Variants in PLA2G4A observed in about 807,000 individuals in gnomAD.
PLA2G4A encodes the protein phospholipase A2 group IVA.
Under a neutral mutation model 81.9 loss-of-function variants are expected in PLA2G4A, and 40 were observed. That is an observed-to-expected ratio of 0.49 (90% CI 0.38 to 0.64). The LOEUF (loss-of-function observed/expected upper bound fraction) is 0.64. Among genes scored for constraint, PLA2G4A ranks in the 30% least tolerant of loss-of-function variants. PLA2G4A has a pLI of 0.00. For missense variants in PLA2G4A, 715 were observed against 905.1 expected (o/e 0.79, Z 2.69); for synonymous variants, 302 against 296.9 (o/e 1.02, Z -0.18).
In PLA2G4A at chr1:186,907,071, GA is replaced by G. The variant is rs554296188; in HGVS notation, c.416+71del. 596 of 845,862 alleles carry G rather than the reference GA, an allele frequency of 7.0e-4. 2 individuals are homozygous for G. In the African/African-American group the frequency reaches 7.1e-3, roughly 10 times the overall value. 52.4% of individuals were successfully genotyped at this position (845,862 alleles called of 1,614,324 possible). ...CCACTAATTTATTTTAATTGTTAAA[GA>G]ATTTTTTTATATATAATTCTGCAGC... is the stretch of plus-strand genomic sequence containing the variant. On this transcript the variant is annotated intron_variant, in intron 6 of 17. Coordinates refer to ENST00000367466, the MANE Select transcript of PLA2G4A (RefSeq NM_024420.3).
At chr1:186,948,527 A>G (rs1656421616) in intron 12 of PLA2G4A, among the ~76,000 whole-genome samples, 4 of 151,946 alleles carry the variant, frequency 2.6e-5, no homozygotes, top group African/African-American at 9.7e-5. Flanking sequence ...AAAAAAAAAA[A>G]AAAGAAGAAG....
chr1:186,922,333 G>C (rs780355096), intron 7 of PLA2G4A, among the ~76,000 whole-genome samples: 9 of 152,148 alleles, frequency 5.9e-5, no homozygotes, highest in African/African-American at 2.2e-4. Flanking sequence ...CCAAAGTGCC[G>C]GTACAGGCAT....
At chr1:186,919,289 TCTG>T (rs1655259351) in intron 7 of PLA2G4A, among the ~76,000 whole-genome samples, 2 of 152,198 alleles carry the variant, frequency 1.3e-5, no homozygotes, top group South Asian at 4.1e-4. Flanking sequence ...CTACTTGCCT[TCTG>T]GTTCCAGGTT....
chr1:186,947,421 G>GA (rs1656383969), intron 12 of PLA2G4A, among the ~76,000 whole-genome samples: 1 of 151,752 alleles, frequency 6.6e-6, no homozygotes, highest in Non-Finnish European at 1.5e-5. Context: ...CCAAAAGAAG[G>GA]AAAAAAATCA....
At chr1:186,899,872 A>G (rs1321509680) in intron 5 of PLA2G4A, among the ~76,000 whole-genome samples, 1 of 152,190 alleles carries the variant, frequency 6.6e-6, no homozygotes, top group African/African-American at 2.4e-5. Flanking sequence ...GGAAAGTCAC[A>G]CTTGGCACAG....
chr1:186,972,806 T>C (rs1657401767), intron 15 of PLA2G4A, among the ~76,000 whole-genome samples: 1 of 152,144 alleles, frequency 6.6e-6, no homozygotes, highest in African/African-American at 2.4e-5. Context: ...AAGTAATGTA[T>C]CTAAATTAAA....
In PLA2G4A at chr1:186,979,487, TG is replaced by T; in HGVS notation, c.2118+17del. On this transcript the variant is annotated intron_variant, in intron 17 of 17. Coordinates refer to ENST00000367466, the MANE Select transcript of PLA2G4A (RefSeq NM_024420.3). The stretch of plus-strand genomic sequence containing the variant: ...ACAACATTGATGTAAGTATCTCCTA[TG>T]GCCATTGACTATGTCAAATGACTTC... 6.6e-7 allele frequency: 1 copy of T among 1,520,832 alleles called. No homozygotes were observed. Among genetic ancestry groups the T allele is most frequent in the Non-Finnish European group, 9.1e-7 (1 of 1,094,976 alleles). The allele number at this position is 1,520,832 out of a possible 1,614,324, so 94.2% of individuals were successfully genotyped here.
intron 10 of PLA2G4A, among the ~76,000 whole-genome samples, chr1:186,944,821 A>T (rs1656279689): frequency 6.6e-6 from 1 of 152,166 alleles, no homozygotes. Flanking sequence ...GGTTCTTATA[A>T]TCAGTGATAT....
intron 17 of PLA2G4A, among the ~76,000 whole-genome samples, chr1:186,984,160 T>A (rs1272216702): frequency 6.6e-6 from 1 of 151,508 alleles, no homozygotes; most frequent in East Asian, 1.9e-4. Context: ...TTTCATTGAC[T>A]TACTGTGGGT....
At chr1:186,857,924 A>G (rs1179876419) in intron 2 of PLA2G4A, among the ~76,000 whole-genome samples, 1 of 152,154 alleles carries the variant, frequency 6.6e-6, no homozygotes, top group Non-Finnish European at 1.5e-5. Context: ...CCTGCAAAGG[A>G]CATGAACTCA....
chr1:186,942,804 C>G (rs570184927), intron 10 of PLA2G4A, among the ~76,000 whole-genome samples: 1 of 152,148 alleles, frequency 6.6e-6, no homozygotes, highest in Non-Finnish European at 1.5e-5. Flanking sequence ...CTTCTTTTGA[C>G]ATCTGCTTCA....
chr1:186,848,526 C>G (rs145494074), intron 1 of PLA2G4A, among the ~76,000 whole-genome samples: 318 of 152,256 alleles, frequency 2.1e-3, no homozygotes, highest in African/African-American at 7.3e-3. Flanking sequence ...TTCTTTTTCT[C>G]TTTTCCTTTT....
rs759648450 is a variant in PLA2G4A at position 186,854,382 on chromosome 1, A to G, written c.28A>G (p.Ile10Val). 1 of 1,563,192 alleles carries G rather than the reference A, an allele frequency of 6.4e-7. No homozygotes were observed. The highest frequency in any genetic ancestry group is 8.8e-7 in the Non-Finnish European group (1 of 1,134,228). MSFIDPYQH[I>V]IVEHQYSHKF... ...GTCATTTATAGATCCTTACCAGCACATTATAGTAAGTCATTCACTGTTTAT... is the reference window on the plus strand; with the variant it reads ...GTCATTTATAGATCCTTACCAGCACGTTATAGTAAGTCATTCACTGTTTAT... Residue 10 changes from isoleucine to valine, a missense_variant, in exon 2 of 18, where the codon ATT (isoleucine) becomes GTT (valine). Coordinates refer to ENST00000367466, the MANE Select transcript of PLA2G4A (RefSeq NM_024420.3).
intron 13 of PLA2G4A, among the ~76,000 whole-genome samples, chr1:186,952,483 C>T (rs1053573830): frequency 2.0e-5 from 3 of 152,136 alleles, no homozygotes; most frequent in African/African-American, 7.2e-5. Flanking sequence ...GTCCACCTTC[C>T]ACCACCCCTG....
chr1:186,967,400 A>G (rs1657170052), intron 15 of PLA2G4A, among the ~76,000 whole-genome samples: 1 of 136,570 alleles, frequency 7.3e-6, no homozygotes, highest in African/African-American at 2.5e-5. Flanking sequence ...CAGACTCCAA[A>G]GCTACAGAAT....
chr1:186,911,572 C>T (rs759261393), intron 7 of PLA2G4A, among the ~76,000 whole-genome samples, 183 bp downstream of exon 7: 2 of 152,032 alleles, frequency 1.3e-5, no homozygotes, highest in Non-Finnish European at 2.9e-5. Flanking sequence ...AAATGGTGCC[C>T]TAGCTGGTAA....
chr1:186,974,723 T>C (rs1657472552), intron 15 of PLA2G4A, among the ~76,000 whole-genome samples: 1 of 152,216 alleles, frequency 6.6e-6, no homozygotes, highest in Non-Finnish European at 1.5e-5. Context: ...AATTTTTTTG[T>C]TCACTGAAAT....
intron 3 of PLA2G4A, chr1:186,870,779 T>G (rs756503924): frequency 5.7e-6 from 8 of 1,414,986 alleles, no homozygotes; most frequent in South Asian, 2.4e-5. Flanking sequence ...CTGTTAAACG[T>G]ATAATTATGG....
intron 12 of PLA2G4A, 72 bp downstream of exon 12, chr1:186,947,033 G>A (rs1489244131): frequency 1.2e-6 from 1 of 841,838 alleles, no homozygotes; most frequent in Non-Finnish European, 2.0e-6. Flanking sequence ...TATATAGAGA[G>A]AATATTAAAT....
Sources: allele counts gnomAD v4.1 joint callset (sites outside exome capture counted in the v4.1 genomes callset), GRCh38; gene constraint gnomAD v4.1.1; transcripts MANE v1.5; gene names NCBI Gene and HGNC (gene_info 2026-07-23, HGNC 2026-07-21).